TMEM178B: variants seen among roughly 807,000 people sequenced by gnomAD.
The protein encoded by TMEM178B is transmembrane protein 178B.
TMEM178B carries 5 observed loss-of-function variants against 31.0 expected under a neutral mutation model. That is an observed-to-expected ratio of 0.16 (90% CI 0.08 to 0.34). TMEM178B has a LOEUF of 0.34. Ranked by LOEUF, TMEM178B falls within the 10% of genes least tolerant of loss-of-function variation. TMEM178B has a pLI of 1.00. For synonymous variants in TMEM178B, 164 were observed against 164.0 expected, an observed-to-expected ratio of 1.00 and a Z score of 0.00; for missense variants, 275 against 400.3, an observed-to-expected ratio of 0.69 and a Z score of 2.67.
intron 1 of TMEM178B, among the ~76,000 whole-genome samples, chr7:141,184,893 TG>T (rs1796584326): frequency 6.6e-6 from 1 of 152,208 alleles, no homozygotes; most frequent in Non-Finnish European, 1.5e-5. Flanking sequence ...CAGGTAACCC[TG>T]GGACTAGACT....
chr7:141,309,920 A>T (rs554014670), intron 2 of TMEM178B, among the ~76,000 whole-genome samples: 4 of 152,296 alleles, frequency 2.6e-5, no homozygotes, highest in African/African-American at 9.6e-5. Context: ...CTTACACCTT[A>T]TACAAAAATT....
At chr7:141,363,915 AAAAAG>A (rs1799959223) in intron 2 of TMEM178B, among the ~76,000 whole-genome samples, 1 of 151,598 alleles carries the variant, frequency 6.6e-6, no homozygotes, top group African/African-American at 2.4e-5. Flanking sequence ...TAAAATAATA[AAAAAG>A]AAATAAGAAT....
At chr7:141,435,261 C>T (rs778089360) in intron 2 of TMEM178B, among the ~76,000 whole-genome samples, 42 of 152,328 alleles carry the variant, frequency 2.8e-4, no homozygotes, top group Non-Finnish European at 5.0e-4. Flanking sequence ...AATACTTAAA[C>T]GCAAAATCCA....
intron 1 of TMEM178B, among the ~76,000 whole-genome samples, chr7:141,192,463 AG>A (rs1563113126): frequency 6.7e-6 from 1 of 148,934 alleles, no homozygotes; most frequent in African/African-American, 2.5e-5. Context: ...AGAGATGGGA[AG>A]GAATGGGGAC....
At chr7:141,381,890 T>C (rs1416306174) in intron 2 of TMEM178B, among the ~76,000 whole-genome samples, 1 of 152,182 alleles carries the variant, frequency 6.6e-6, no homozygotes, top group Non-Finnish European at 1.5e-5. Context: ...GCCTCAGAGA[T>C]CCATTTGTTC....
chr7:141,341,124 T>C (rs1415925596), intron 2 of TMEM178B, among the ~76,000 whole-genome samples: 2 of 152,180 alleles, frequency 1.3e-5, no homozygotes, highest in Admixed American at 1.3e-4. Flanking sequence ...CAGAGCTGTT[T>C]TTGACCCCGT....
chr7:141,148,678 A>G (rs2129180189), intron 1 of TMEM178B, among the ~76,000 whole-genome samples: 1 of 152,348 alleles, frequency 6.6e-6, no homozygotes, highest in East Asian at 1.9e-4. Context: ...TGTGCCAGGC[A>G]CTATTCTTGG....
intron 2 of TMEM178B, among the ~76,000 whole-genome samples, chr7:141,261,515 G>T (rs760315771): frequency 6.6e-6 from 1 of 152,084 alleles, no homozygotes; most frequent in Non-Finnish European, 1.5e-5. Context: ...GCAGAGGAGG[G>T]TCCCAAGTGC....
intron 2 of TMEM178B, among the ~76,000 whole-genome samples, chr7:141,273,142 A>G (rs910684677): frequency 6.6e-6 from 1 of 152,190 alleles, no homozygotes; most frequent in Non-Finnish European, 1.5e-5. Context: ...CAAATACTGC[A>G]TGATCTTATG....
intron 1 of TMEM178B, among the ~76,000 whole-genome samples, chr7:141,205,657 A>G (rs1796950985): frequency 6.6e-6 from 1 of 152,212 alleles, no homozygotes; most frequent in African/African-American, 2.4e-5. Flanking sequence ...GTACTACAGC[A>G]TTTGTTTAGG....
chr7:141,088,424 T>G (rs1000242515), intron 1 of TMEM178B, among the ~76,000 whole-genome samples: 9 of 152,154 alleles, frequency 5.9e-5, no homozygotes, highest in African/African-American at 2.2e-4. Flanking sequence ...TTCCTTCTTC[T>G]TTGCCAGTTT....
At chr7:141,132,811 A>C (rs1181966717) in intron 1 of TMEM178B, among the ~76,000 whole-genome samples, 1 of 152,212 alleles carries the variant, frequency 6.6e-6, no homozygotes, top group South Asian at 2.1e-4. Flanking sequence ...CAGTGCCCAC[A>C]TACGCCACCT....
At chr7:141,125,785 G>A (rs1207343766) in intron 1 of TMEM178B, among the ~76,000 whole-genome samples, 3 of 152,214 alleles carry the variant, frequency 2.0e-5, no homozygotes, top group Admixed American at 1.3e-4. Flanking sequence ...AATTGCAGTT[G>A]GCATTTGCAA....
chr7:141,452,729 A>G (rs1159805467), intron 3 of TMEM178B, among the ~76,000 whole-genome samples: 1 of 152,222 alleles, frequency 6.6e-6, no homozygotes, highest in Non-Finnish European at 1.5e-5. Flanking sequence ...AAACAAGTTA[A>G]TATATTAAAA....
chr7:141,259,166 A>G (rs1797975282), intron 2 of TMEM178B, among the ~76,000 whole-genome samples: 1 of 152,080 alleles, frequency 6.6e-6, no homozygotes. Context: ...TGGTCTTTAG[A>G]TTGCATGATT....
At chr7:141,441,517 C>T (rs769387503) in intron 3 of TMEM178B, among the ~76,000 whole-genome samples, 16 of 152,158 alleles carry the variant, frequency 1.1e-4, no homozygotes, top group Non-Finnish European at 1.9e-4. Context: ...CATCTATAAC[C>T]GAGCACCGAC....
intron 2 of TMEM178B, among the ~76,000 whole-genome samples, chr7:141,214,355 C>T (rs1042679386): frequency 1.3e-5 from 2 of 152,110 alleles, no homozygotes; most frequent in African/African-American, 4.8e-5. Context: ...TCTTTTTGTG[C>T]CAGTGAATAC....
At chr7:141,219,097 C>G (rs1306208458) in intron 2 of TMEM178B, among the ~76,000 whole-genome samples, 1 of 152,216 alleles carries the variant, frequency 6.6e-6, no homozygotes, top group Non-Finnish European at 1.5e-5. Flanking sequence ...AGCTGTAATG[C>G]TGCTCAGAGG....
chr7:141,336,856 C>T (rs1386442959), intron 2 of TMEM178B, among the ~76,000 whole-genome samples: 2 of 144,548 alleles, frequency 1.4e-5, no homozygotes, highest in Non-Finnish European at 3.0e-5. Context: ...CCATTACCAT[C>T]ACTACCATCA....
Sources: allele counts gnomAD v4.1 joint callset (sites outside exome capture counted in the v4.1 genomes callset), GRCh38; gene constraint gnomAD v4.1.1; transcripts MANE v1.5; gene names NCBI Gene and HGNC (gene_info 2026-07-23, HGNC 2026-07-21).